The following FMN2 variants were observed in gnomAD, a reference collection of about 807,000 sequenced individuals.
FMN2 encodes the protein formin-2.
Under a neutral mutation model 142.3 loss-of-function variants are expected in FMN2, and 51 were observed. That is an observed-to-expected ratio of 0.36 (90% confidence interval 0.29 to 0.45). FMN2 has a LOEUF of 0.45. Ranked by LOEUF, FMN2 falls within the 20% of genes least tolerant of loss-of-function variation. The probability of loss-of-function intolerance (pLI) is 1.00; values close to 1 mark genes in which losing one functional copy is unlikely to be tolerated. For missense variants in FMN2, 1,936 were observed against 2,122.8 expected (o/e 0.91, Z 1.73); for synonymous variants, 882 against 869.8 (o/e 1.01, Z -0.25).
intron 16 of FMN2, among the ~76,000 whole-genome samples, chr1:240,455,588 G>A (rs1180882102): frequency 1.3e-5 from 2 of 152,130 alleles, no homozygotes; most frequent in African/African-American, 4.8e-5. Flanking sequence ...TGAGGTGGGA[G>A]GATCACTTGA....
intron 15 of FMN2, among the ~76,000 whole-genome samples, chr1:240,408,223 G>A (rs16839926): frequency 0.033 from 4,990 of 152,206 alleles, 279 homozygotes; most frequent in African/African-American, 0.11. Context: ...GATATTGCAC[G>A]TAAGTTAAAG....
At chr1:240,118,333 G>T (rs1460281328) in intron 1 of FMN2, among the ~76,000 whole-genome samples, 1 of 152,180 alleles carries the variant, frequency 6.6e-6, no homozygotes, top group Non-Finnish European at 1.5e-5. Context: ...AGAGACAGGG[G>T]CTGGGGGAAA....
At chr1:240,185,301 T>C (rs1056662031) in intron 3 of FMN2, among the ~76,000 whole-genome samples, 1 of 152,202 alleles carries the variant, frequency 6.6e-6, no homozygotes, top group Non-Finnish European at 1.5e-5. Context: ...TCCCTTTATT[T>C]TTCAGTGAAG....
intron 8 of FMN2, among the ~76,000 whole-genome samples, chr1:240,315,996 CAAATA>C (rs1670769058): frequency 1.3e-5 from 2 of 152,130 alleles, no homozygotes; most frequent in Non-Finnish European, 2.9e-5. Context: ...TTTACATACT[CAAATA>C]AAATGAGAGA....
chr1:240,370,186 G>A (rs1672816592), intron 14 of FMN2, among the ~76,000 whole-genome samples: 1 of 152,068 alleles, frequency 6.6e-6, no homozygotes, highest in South Asian at 2.1e-4. Context: ...TTGTTTTTAT[G>A]GCCTCAGAGA....
intron 8 of FMN2, among the ~76,000 whole-genome samples, chr1:240,305,953 T>TTTTTTTTGTG (rs778514771): frequency 1.1e-5 from 1 of 89,950 alleles, no homozygotes; most frequent in African/African-American, 3.9e-5. Context: ...GCTTGTAAGT[T>TTTTTTTTGTG]TTTTTTTTTT....
At chr1:240,137,837 A>AT (rs1663011124) in intron 2 of FMN2, among the ~76,000 whole-genome samples, 3 of 152,100 alleles carry the variant, frequency 2.0e-5, no homozygotes. Flanking sequence ...CACACCTGTA[A>AT]TCCCAACACT....
intron 1 of FMN2, among the ~76,000 whole-genome samples, chr1:240,116,844 C>A (rs1370551732): frequency 1.3e-5 from 2 of 152,080 alleles, no homozygotes; most frequent in Admixed American, 6.5e-5. Flanking sequence ...CAAATTAGAG[C>A]AGACTGAGCA....
intron 6 of FMN2, among the ~76,000 whole-genome samples, chr1:240,242,594 C>T (rs1667948176): frequency 6.6e-6 from 1 of 152,104 alleles, no homozygotes; most frequent in African/African-American, 2.4e-5. Flanking sequence ...CACAGCTCTC[C>T]AAACTGAAGT....
intron 1 of FMN2, among the ~76,000 whole-genome samples, chr1:240,110,922 T>G: frequency 7.0e-6 from 1 of 143,272 alleles, no homozygotes; most frequent in East Asian, 1.9e-4. Context: ...ACTTGGTGGA[T>G]GAAGATATTT....
At chr1:240,138,799 A>C (rs1342348033) in intron 2 of FMN2, among the ~76,000 whole-genome samples, 1 of 152,226 alleles carries the variant, frequency 6.6e-6, no homozygotes, top group Non-Finnish European at 1.5e-5. Context: ...CTAGTACAAG[A>C]ATTGGAGCTT....
At chr1:240,185,855 A>C (rs1038875001) in intron 3 of FMN2, among the ~76,000 whole-genome samples, 1 of 152,206 alleles carries the variant, frequency 6.6e-6, no homozygotes, top group Non-Finnish European at 1.5e-5. Flanking sequence ...GAAGTGACGA[A>C]AAACAATAGA....
intron 16 of FMN2, among the ~76,000 whole-genome samples, chr1:240,462,603 C>T (rs573779714): frequency 3.3e-5 from 5 of 152,238 alleles, no homozygotes; most frequent in African/African-American, 4.8e-5. Context: ...GCTTAATCGT[C>T]GTTTTACTGT....
intron 13 of FMN2, among the ~76,000 whole-genome samples, chr1:240,355,150 A>G (rs1558449037): frequency 6.6e-6 from 1 of 152,258 alleles, no homozygotes; most frequent in East Asian, 1.9e-4. Context: ...TCTTGGGCAA[A>G]TTAGTGCCTT....
intron 2 of FMN2, among the ~76,000 whole-genome samples, chr1:240,138,634 G>A (rs949900856): frequency 6.6e-6 from 1 of 152,072 alleles, no homozygotes; most frequent in African/African-American, 2.4e-5. Context: ...TTGAACCAAG[G>A]AGCTGGCGGT....
chr1:240,453,083 G>A (rs186534522), intron 16 of FMN2, among the ~76,000 whole-genome samples: 47 of 152,198 alleles, frequency 3.1e-4, no homozygotes, highest in East Asian at 3.9e-4. Context: ...GGTACTATAC[G>A]CACCCAATTG....
rs34678861 is a variant in FMN2, at chr1:240,277,525, C to CTTTT, written c.4154-17275_4154-17272dup. On this transcript the variant is annotated intron_variant, in intron 7 of 17. Coordinates refer to ENST00000319653, the MANE Select transcript of FMN2 (RefSeq NM_020066.5). The stretch of plus-strand genomic sequence containing the variant: ...CAACTTTAAGTACCTGCATCTTCTT[C>CTTTT]TTTTTTTTTTTTTTTTTTTTTTTTT... 5.9e-3 allele frequency among the ~76,000 whole-genome samples: 391 copies of CTTTT among 66,136 alleles called. 6 individuals carry two copies. The highest frequency in any genetic ancestry group is 0.011 in the African/African-American group (168 of 15,420). The allele number at this position is 66,136 out of a possible 152,430, so 43.4% of individuals were successfully genotyped here.
intron 4 of FMN2, among the ~76,000 whole-genome samples, chr1:240,198,252 CT>C (rs1665989836): frequency 6.6e-6 from 1 of 152,174 alleles, no homozygotes; most frequent in African/African-American, 2.4e-5. Context: ...ACCAAAAAGG[CT>C]GGTTCTTTTT....
At chr1:240,320,039 C>T (rs73124122) in intron 8 of FMN2, among the ~76,000 whole-genome samples, 2,411 of 152,204 alleles carry the variant, frequency 0.016, 66 homozygotes, top group African/African-American at 0.055. Flanking sequence ...TCTGAATCTG[C>T]GCTGGCTGGT....
Sources: gnomAD v4.1 joint callset for allele counts (sites outside exome capture counted in the v4.1 genomes callset) on GRCh38, gnomAD v4.1.1 for gene constraint, MANE v1.5 for transcripts, NCBI Gene and HGNC (gene_info 2026-07-23, HGNC 2026-07-21) for gene names.